Variants in SEMA6D observed in about 807,000 individuals in gnomAD.
SEMA6D encodes semaphorin-6D.
A neutral mutation model predicts 106.6 loss-of-function variants in SEMA6D; 35 were observed. The ratio of observed to expected loss-of-function variants is 0.33; its 90% confidence interval spans 0.25 to 0.44. SEMA6D has a LOEUF of 0.44. Among genes scored for constraint, SEMA6D ranks in the 20% least tolerant of loss-of-function variants. SEMA6D has a pLI of 1.00. For missense variants in SEMA6D, 1,185 were observed against 1,345.9 expected, an observed-to-expected ratio of 0.88 and a Z score of 1.87; for synonymous variants, 499 against 487.7, an observed-to-expected ratio of 1.02 and a Z score of -0.31.
chr15:47,640,096 GTC>G (rs2077461897), intron 4 of SEMA6D, among the ~76,000 whole-genome samples: 1 of 152,200 alleles, frequency 6.6e-6, no homozygotes, highest in Admixed American at 6.5e-5. Context: ...TATTTGGGAA[GTC>G]TCTGTAATGA....
At chr15:47,598,027 G>A (rs2076572079) in intron 3 of SEMA6D, among the ~76,000 whole-genome samples, 1 of 151,796 alleles carries the variant, frequency 6.6e-6, no homozygotes, top group Non-Finnish European at 1.5e-5. Context: ...ATGAAATAAA[G>A]GTAATGTTTT....
At chr15:47,228,163 C>CACACACATATAT (rs374770930) in intron 1 of SEMA6D, among the ~76,000 whole-genome samples, 3 of 136,810 alleles carry the variant, frequency 2.2e-5, no homozygotes, top group Admixed American at 7.6e-5. Context: ...CACACACACA[C>CACACACATATAT]ATATATATAT....
At chr15:47,480,893 T>C (rs1312386399) in intron 3 of SEMA6D, among the ~76,000 whole-genome samples, 1 of 152,182 alleles carries the variant, frequency 6.6e-6, no homozygotes, top group Non-Finnish European at 1.5e-5. Flanking sequence ...ATTGTGGATA[T>C]CACCTCTTCC....
In SEMA6D at chr15:47,771,842, A is replaced by G. The variant is rs2082644846; in HGVS notation, c.*57A>G. The G allele has an allele frequency of 2.0e-6, 3 of 1,503,470 alleles. No individual in the cohort carries two copies. The highest frequency in any genetic ancestry group is 2.3e-5 in the East Asian group (1 of 44,058). The allele number at this position is 1,503,470 out of a possible 1,614,324, so 93.1% of individuals were successfully genotyped here. A position where few individuals can be genotyped will look rare whatever the true frequency, so the allele number is the denominator to read the frequency against. On this transcript the variant is annotated 3_prime_UTR_variant, in exon 19 of 19. Coordinates refer to ENST00000536845, the MANE Select transcript of SEMA6D (RefSeq NM_001358351.3). ...TCCTGTCCGTGTTGTTGAGAGGATG[A>G]TGTTGTAAGGGTACCTTAAAACAAG...
intron 4 of SEMA6D, among the ~76,000 whole-genome samples, chr15:47,603,095 T>G (rs568880092): frequency 1.3e-5 from 2 of 152,312 alleles, no homozygotes; most frequent in East Asian, 3.9e-4. Flanking sequence ...GTACATTATG[T>G]GAAGATACTG....
At chr15:47,230,729 T>C (rs2032129706) in intron 1 of SEMA6D, among the ~76,000 whole-genome samples, 1 of 151,922 alleles carries the variant, frequency 6.6e-6, no homozygotes, top group African/African-American at 2.4e-5. Flanking sequence ...GCCCCATTCC[T>C]GAGAAAGGGA....
chr15:47,255,712 A>G (rs2033771689), intron 1 of SEMA6D, among the ~76,000 whole-genome samples: 1 of 152,128 alleles, frequency 6.6e-6, no homozygotes, highest in Non-Finnish European at 1.5e-5. Context: ...TAATTGTATC[A>G]CTTTTTCTCT....
At chr15:47,711,622 C>G (rs932183196) in intron 4 of SEMA6D, among the ~76,000 whole-genome samples, 1 of 152,124 alleles carries the variant, frequency 6.6e-6, no homozygotes, top group Non-Finnish European at 1.5e-5. Context: ...TGATTTTTAT[C>G]CCAGAACATC....
At chr15:47,389,888 T>C (rs2039968858) in intron 1 of SEMA6D, among the ~76,000 whole-genome samples, 1 of 152,208 alleles carries the variant, frequency 6.6e-6, no homozygotes, top group South Asian at 2.1e-4. Context: ...AAAAAGACTA[T>C]TCCAACTATT....
At chr15:47,513,201 C>G (rs1047522192) in intron 3 of SEMA6D, among the ~76,000 whole-genome samples, 1 of 151,836 alleles carries the variant, frequency 6.6e-6, no homozygotes, top group Admixed American at 6.6e-5. Context: ...AAAGTGGCCC[C>G]CATCATCTGA....
chr15:47,405,888 C>T (rs2040548764), intron 1 of SEMA6D, among the ~76,000 whole-genome samples: 3 of 152,168 alleles, frequency 2.0e-5, no homozygotes, highest in Admixed American at 6.5e-5. Flanking sequence ...CAGAACCAGG[C>T]ATCTGGTAGC....
intron 2 of SEMA6D, among the ~76,000 whole-genome samples, chr15:47,440,377 A>G (rs1333387544): frequency 1.3e-5 from 2 of 152,006 alleles, no homozygotes; most frequent in African/African-American, 2.4e-5. Context: ...GGCTGTGGTT[A>G]TATTTAACTA....
chr15:47,470,118 C>A (rs1173911772), intron 2 of SEMA6D, among the ~76,000 whole-genome samples: 5 of 152,028 alleles, frequency 3.3e-5, no homozygotes, highest in African/African-American at 1.2e-4. Context: ...ATACTTTAAC[C>A]AAAATAAGAC....
chr15:47,761,560 C>A, intron 6 of SEMA6D, 101 bp from the exon 7 acceptor site: 2 of 1,265,700 alleles, frequency 1.6e-6, no homozygotes, highest in Non-Finnish European at 2.2e-6. Context: ...AGAATAAAGA[C>A]AGAATTCTTC....
chr15:47,349,321 G>T (rs1168592530), intron 1 of SEMA6D, among the ~76,000 whole-genome samples: 2 of 152,148 alleles, frequency 1.3e-5, no homozygotes, highest in Admixed American at 1.3e-4. Flanking sequence ...AGATTTTGCA[G>T]GTGCAGGATA....
intron 1 of SEMA6D, among the ~76,000 whole-genome samples, chr15:47,282,384 A>G (rs1243390356): frequency 1.3e-5 from 2 of 152,168 alleles, no homozygotes; most frequent in Non-Finnish European, 2.9e-5. Context: ...TGATTTTCAC[A>G]ATAGAATACT....
intron 4 of SEMA6D, among the ~76,000 whole-genome samples, chr15:47,604,920 A>T (rs1273922950): frequency 6.8e-6 from 1 of 148,066 alleles, no homozygotes; most frequent in East Asian, 2.0e-4. Flanking sequence ...GTTAGCCAGG[A>T]TGGTCTCCAT....
At chr15:47,728,451 T>G (rs1242013301) in intron 1 of SEMA6D, among the ~76,000 whole-genome samples, 1 of 152,244 alleles carries the variant, frequency 6.6e-6, no homozygotes, top group Non-Finnish European at 1.5e-5. Context: ...ATTGAGTTCT[T>G]AATCTGTGCC....
chr15:47,447,761 A>T (rs1327914347), intron 2 of SEMA6D, among the ~76,000 whole-genome samples: 1 of 152,186 alleles, frequency 6.6e-6, no homozygotes, highest in Non-Finnish European at 1.5e-5. Context: ...GGTTAGGAGC[A>T]CAGGCAAAAT....
Sources: allele counts gnomAD v4.1 joint callset (sites outside exome capture counted in the v4.1 genomes callset), GRCh38; gene constraint gnomAD v4.1.1; transcripts MANE v1.5; gene names NCBI Gene and HGNC (gene_info 2026-07-23, HGNC 2026-07-21).